The following AHCTF1 variants were observed in gnomAD, a reference collection of about 807,000 sequenced individuals.
AHCTF1 encodes protein ELYS.
A neutral mutation model predicts 248.4 loss-of-function variants in AHCTF1; 24 were observed. The observed-to-expected ratio is 0.10, with a 90% CI of 0.07 to 0.14. AHCTF1 has a LOEUF of 0.14. AHCTF1 is among the 10% of genes least tolerant of loss of function. AHCTF1 has a pLI of 1.00. For missense variants in AHCTF1, 2,206 were observed against 2,636.2 expected (o/e 0.84, Z 3.57); for synonymous variants, 786 against 929.8 (o/e 0.85, Z 2.81).
At chr1:246,881,259 A>G (rs1439332300) in intron 21 of AHCTF1, among the ~76,000 whole-genome samples, 1 of 152,262 alleles carries the variant, frequency 6.6e-6, no homozygotes, top group Admixed American at 6.5e-5. Flanking sequence ...TTAAAAAAGA[A>G]CAAATTAAAA....
In AHCTF1 at chr1:246,918,392, A is replaced by T. The variant is rs1050326806; in HGVS notation, c.-7-15T>A. 5 of 1,598,682 alleles carry T rather than the reference A, an allele frequency of 3.1e-6. No homozygotes were observed. Among genetic ancestry groups the T allele is most frequent in the Non-Finnish European group, 4.3e-6 (5 of 1,172,668 alleles). On this transcript the variant is annotated splice_polypyrimidine_tract_variant and intron_variant, in intron 1 of 35. Transcript: ENST00000648844. ...GCATACTTCCACTGTAAATATTTTT[A>T]AAAGAAAACATTATTATGACACATT... is the stretch of plus-strand genomic sequence containing the variant.
intron 3 of AHCTF1, among the ~76,000 whole-genome samples, chr1:246,915,624 T>C (rs958907342): frequency 6.6e-6 from 1 of 152,242 alleles, no homozygotes; most frequent in African/African-American, 2.4e-5. Context: ...GTCTTATTCA[T>C]TTGTCTTCTC....
intron 26 of AHCTF1, among the ~76,000 whole-genome samples, chr1:246,864,846 C>A (rs1661842595): frequency 4.4e-4 from 1 of 2,260 alleles, no homozygotes; most frequent in Non-Finnish European, 5.5e-4. Flanking sequence ...GACTCCGTCT[C>A]AAAAAAAAAA....
intron 1 of AHCTF1, among the ~76,000 whole-genome samples, chr1:246,924,068 T>C (rs777998767): frequency 6.6e-6 from 1 of 152,140 alleles, no homozygotes; most frequent in Non-Finnish European, 1.5e-5. Flanking sequence ...CTCCTATCTA[T>C]TGAGTACAGA....
intron 1 of AHCTF1, among the ~76,000 whole-genome samples, chr1:246,930,791 A>T (rs991219749): frequency 2.6e-5 from 4 of 152,202 alleles, no homozygotes; most frequent in African/African-American, 9.6e-5. Flanking sequence ...CAAAGGATTT[A>T]CGTTTTGTTC....
Position 246,853,278 on chromosome 1 carries a change from T to C in AHCTF1, c.4376A>G (p.Asp1459Gly), listed in dbSNP as rs750124737. ...DNKSMADVLG[D>G]GGNSSLTISE... ...GATAGTGAGCGAGGAGTTTCCACCA[T>C]CACCAAGGACATCAGCCATAGCTGA... The change falls in exon 32 of 36, where the codon GAT (aspartate) becomes GGT (glycine). Residue 1459 changes from aspartate (D) to glycine (G), a missense_variant. By Grantham distance (94) the Asp-to-Gly change is moderately conservative (BLOSUM62 -1). Transcript: ENST00000648844. 21 of 1,612,830 alleles carry C rather than the reference T, an allele frequency of 1.3e-5. No individual in the cohort carries two copies. Among genetic ancestry groups the C allele is most frequent in the Admixed American group, 3.3e-5 (2 of 59,858 alleles).
chr1:246,876,326 A>C, intron 23 of AHCTF1, 139 bp from the exon 24 acceptor site: 2 of 684,350 alleles, frequency 2.9e-6, no homozygotes, highest in Non-Finnish European at 4.5e-6. Context: ...CCAAACCAAG[A>C]ACTTCATCCA....
intron 1 of AHCTF1, among the ~76,000 whole-genome samples, chr1:246,919,096 T>C (rs1269505249): frequency 4.6e-5 from 7 of 152,178 alleles, no homozygotes; most frequent in Admixed American, 6.5e-5. Flanking sequence ...CCAAAAATAC[T>C]AGTTAAAATA....
intron 25 of AHCTF1, 64 bp downstream of exon 25, chr1:246,867,597 A>T: frequency 6.4e-7 from 1 of 1,560,692 alleles, no homozygotes; most frequent in Non-Finnish European, 8.7e-7. Context: ...TTGTTGATGA[A>T]CGCTGTTGAT....
intron 19 of AHCTF1, 140 bp downstream of exon 19, chr1:246,888,037 C>A: frequency 1.1e-6 from 1 of 886,100 alleles, no homozygotes; most frequent in Non-Finnish European, 1.7e-6. Flanking sequence ...GCCCAAACAA[C>A]AGATCCTGGG....
intron 21 of AHCTF1, among the ~76,000 whole-genome samples, chr1:246,878,396 CA>C (rs1199465751): frequency 0.029 from 902 of 30,658 alleles, 3 homozygotes; most frequent in African/African-American, 0.094. Flanking sequence ...GATTCTGTCT[CA>C]AAAAAAAAAA....
intron 24 of AHCTF1, among the ~76,000 whole-genome samples, chr1:246,872,159 C>A (rs1662643110): frequency 6.6e-6 from 1 of 150,430 alleles, no homozygotes; most frequent in Admixed American, 6.6e-5. Context: ...ACAAAACAAA[C>A]CTTACGCAAT....
At chr1:246,868,400 C>A (rs183286893) in intron 24 of AHCTF1, among the ~76,000 whole-genome samples, 2 of 145,630 alleles carry the variant, frequency 1.4e-5, no homozygotes, top group Non-Finnish European at 1.5e-5. Flanking sequence ...GGATTACAGG[C>A]GTGAGCCACT....
chr1:246,909,692 T>C (rs1164380895), intron 4 of AHCTF1, among the ~76,000 whole-genome samples: 1 of 152,342 alleles, frequency 6.6e-6, no homozygotes, highest in East Asian at 1.9e-4. Context: ...GTCAAAGTTC[T>C]TGATTTAATA....
At chr1:246,848,809 C>T (rs1340448550) in intron 33 of AHCTF1, among the ~76,000 whole-genome samples, 1 of 151,876 alleles carries the variant, frequency 6.6e-6, no homozygotes, top group Non-Finnish European at 1.5e-5. Context: ...GAGATCATGC[C>T]ATTGTGCTCC....
At chr1:246,843,301 A>G (rs1006912944) in intron 34 of AHCTF1, among the ~76,000 whole-genome samples, 1 of 152,262 alleles carries the variant, frequency 6.6e-6, no homozygotes, top group Non-Finnish European at 1.5e-5. Context: ...CTCTTCAATG[A>G]AACTGTGTAT....
At chr1:246,892,445 T>G (rs1664277323) in intron 14 of AHCTF1, among the ~76,000 whole-genome samples, 1 of 151,414 alleles carries the variant, frequency 6.6e-6, no homozygotes, top group Admixed American at 6.6e-5. Context: ...CTCAGGCTCC[T>G]GAGTAGCTGG....
At chr1:246,855,940 A>T (rs1661083668) in intron 30 of AHCTF1, 113 bp from the exon 31 acceptor site, 1 of 598,674 alleles carries the variant, frequency 1.7e-6, no homozygotes, top group Non-Finnish European at 2.9e-6. Flanking sequence ...AGGTTCAGAG[A>T]ATTCAATACA....
In AHCTF1 at chr1:246,916,340, A is replaced by T; in HGVS notation, c.177T>A (p.Ser59=). Residue 59 remains serine (S), a synonymous_variant, in exon 3 of 36, where the codon TCT becomes TCA. Coordinates refer to ENST00000648844, the MANE Select transcript of AHCTF1 (RefSeq NM_001323342.2). ...AAGCAGACAATCGCTCTCCTGTTAT[A>T]GAGTTTACTACCTCAAGTTGTGGAC... ...ACGPQLEVVN[S]ITGERLSAYR... 6.2e-7 allele frequency: 1 copy of T among 1,610,706 alleles called. No homozygotes were observed. Among genetic ancestry groups the T allele is most frequent in the Non-Finnish European group, 8.5e-7 (1 of 1,178,400 alleles).
Sources: gnomAD v4.1 joint callset for allele counts (sites outside exome capture counted in the v4.1 genomes callset) on GRCh38, gnomAD v4.1.1 for gene constraint, MANE v1.5 for transcripts, NCBI Gene and HGNC (gene_info 2026-07-23, HGNC 2026-07-21) for gene names.